ZNF45: variants seen among roughly 807,000 people sequenced by gnomAD.
ZNF45 encodes zinc finger protein 45, also known as BRC1744.
A neutral mutation model predicts 12.0 loss-of-function variants in ZNF45; 4 were observed. The observed-to-expected ratio is 0.33, with a 90% CI of 0.16 to 0.76. The LOEUF is 0.76. Ranked by LOEUF, ZNF45 falls within the 30% of genes least tolerant of loss-of-function variation. ZNF45 has a pLI of 0.60. For missense variants in ZNF45, 700 were observed against 813.0 expected (o/e 0.86, Z 1.69); for synonymous variants, 272 against 279.6 (o/e 0.97, Z 0.27).
At chr19:43,923,915 G>C (rs566225816) in intron 6 of ZNF45, among the ~76,000 whole-genome samples, 1 of 149,610 alleles carries the variant, frequency 6.7e-6, no homozygotes, top group South Asian at 2.1e-4. Flanking sequence ...GACTGCTTGA[G>C]GCCAAGAGTT....
Position 43,914,427 on chromosome 19 carries a change from ATGCAT to A in ZNF45, c.1004_1008del (p.Asn335MetfsTer6). The A allele has an allele frequency of 6.2e-7, 1 of 1,609,284 alleles. No homozygotes were observed. Among genetic ancestry groups the A allele is most frequent in the East Asian group, 2.2e-5 (1 of 44,806 alleles). On this transcript the variant is annotated frameshift_variant, in exon 10 of 10. Coordinates refer to ENST00000269973, the MANE Select transcript of ZNF45 (RefSeq NM_003425.4). LOFTEE classifies it low-confidence loss of function (END_TRUNC). Reference sequence around the variant, plus strand: ...GAGCTGTAACTAAAGCTCTTGCCACATGCATTGCATTTGTATGGTTTCTCGCCAGT... The same window carrying A: ...GAGCTGTAACTAAAGCTCTTGCCACATGCATTTGTATGGTTTCTCGCCAGT...
intron 6 of ZNF45, among the ~76,000 whole-genome samples, chr19:43,923,769 GC>G (rs1391990430): frequency 4.0e-5 from 6 of 151,818 alleles, no homozygotes; most frequent in Non-Finnish European, 7.4e-5. Context: ...CCCCCTCCCA[GC>G]CCCTGATAAC....
chr19:43,922,820 GTTTTT>G (rs368057244), intron 6 of ZNF45, among the ~76,000 whole-genome samples: 4 of 86,488 alleles, frequency 4.6e-5, no homozygotes, highest in South Asian at 4.7e-4. Flanking sequence ...TAAATTCTTT[GTTTTT>G]TTTTTTTTTT....
At chr19:43,923,794 T>C (rs1282189335) in intron 6 of ZNF45, among the ~76,000 whole-genome samples, 3 of 152,062 alleles carry the variant, frequency 2.0e-5, no homozygotes, top group South Asian at 4.1e-4. Flanking sequence ...GTTATCTCTA[T>C]GAATTTGACT....
Position 43,912,645 on chromosome 19 carries a change from A to G in ZNF45, c.*742T>C, listed in dbSNP as rs578173038. The G allele has an allele frequency of 1.3e-5, 2 of 152,360 alleles. No individual in the cohort carries two copies. The highest frequency in any genetic ancestry group is 2.9e-5 in the Non-Finnish European group (2 of 68,026). The allele number at this position is 152,360 out of a possible 1,614,324, so 9.4% of individuals were successfully genotyped here. On this transcript the variant is annotated 3_prime_UTR_variant, in exon 10 of 10. Coordinates refer to ENST00000269973, the MANE Select transcript of ZNF45 (RefSeq NM_003425.4). ...GAGGTGGGATTGACTGGAAATGGGC[A>G]CAAGAAAACTTTTTGGTTTAATAGA...
rs775164589 is a variant in ZNF45 at position 43,919,614 on chromosome 19, C to T, written c.101G>A (p.Arg34Gln). ...LLDLAQRKLY[R>Q]DVMLENFRNV... is the part of the protein sequence containing the mutation. ...CCTGAAGTTCTCCAGCATCACATCT[C>T]GGTACAGCTTCCTCTGGGCAAGGTC... Residue 34 changes from arginine to glutamine, a missense_variant, in exon 8 of 10, where the codon CGA (arginine) becomes CAA (glutamine). Arg to Gln is a conservative substitution (Grantham distance 43). Transcript: ENST00000269973. 2.2e-5 allele frequency: 36 copies of T among 1,612,984 alleles called. No individual in the cohort carries two copies. Among genetic ancestry groups the T allele is most frequent in the Admixed American group, 6.7e-5 (4 of 59,978 alleles).
chr19:43,929,055 AC>A (rs1471940842), intron 3 of ZNF45, among the ~76,000 whole-genome samples: 1 of 152,270 alleles, frequency 6.6e-6, no homozygotes, highest in African/African-American at 2.4e-5. Flanking sequence ...TTCATGTTTA[AC>A]AAGTGGTCAA....
chr19:43,922,119 T>A, intron 7 of ZNF45, 52 bp downstream of exon 7: 1 of 1,599,774 alleles, frequency 6.3e-7, no homozygotes, highest in South Asian at 1.1e-5. Context: ...GTGTATGTAA[T>A]CTTTCCGAAA....
intron 3 of ZNF45, among the ~76,000 whole-genome samples, chr19:43,928,729 G>GT (rs1973890539): frequency 1.3e-5 from 2 of 152,136 alleles, no homozygotes. Flanking sequence ...ACTAAAGAAG[G>GT]TAAAAACAAA....
At position 43,917,202 on chromosome 19, in the gene ZNF45, C is replaced by T. The variant is rs148899265; in HGVS notation, c.235+1668G>A. Among the ~76,000 whole-genome samples the T allele has an allele frequency of 7.4e-3, 1,122 of 152,116 alleles. 9 individuals are homozygous for T. Among genetic ancestry groups the T allele is most frequent in the South Asian group, 0.03 (144 of 4,834 alleles). On this transcript the variant is annotated intron_variant, in intron 9 of 9. Coordinates refer to ENST00000269973, the MANE Select transcript of ZNF45 (RefSeq NM_003425.4). ...TTTGTAAGCAAGAAATGTATTTCTC[C>T]GCATAAATTCTTGTTTAAGGCCACA... is the stretch of plus-strand genomic sequence containing the variant.
At chr19:43,916,368 A>G (rs139050049) in intron 9 of ZNF45, among the ~76,000 whole-genome samples, 110 of 152,232 alleles carry the variant, frequency 7.2e-4, no homozygotes, top group African/African-American at 2.5e-3. Flanking sequence ...CACCTGCCTC[A>G]GTCTCTCAAA....
At chr19:43,923,938 G>A (rs937920029) in intron 6 of ZNF45, among the ~76,000 whole-genome samples, 1 of 146,034 alleles carries the variant, frequency 6.8e-6, no homozygotes, top group African/African-American at 2.6e-5. Flanking sequence ...AGACCAACCT[G>A]GCCAACAGAG....
In ZNF45 at chr19:43,914,773, T is replaced by G; in HGVS notation, c.663A>C (p.Thr221=). 6.2e-7 allele frequency: 1 copy of G among 1,614,136 alleles called. No homozygotes were observed. The highest frequency in any genetic ancestry group is 8.5e-7 in the Non-Finnish European group (1 of 1,180,026). The change falls in exon 10 of 10, where the codon ACA becomes ACC. Residue 221 remains threonine (T), a synonymous_variant. Coordinates refer to ENST00000269973, the MANE Select transcript of ZNF45 (RefSeq NM_003425.4). ...QRVHSRAKSY[T]NDASYRSFSQ... ...TAAAACTCCTGTAACTTGCATCATTTGTGTATGATTTTGCTCTACTGTGGA... is the reference window on the plus strand; with the variant it reads ...TAAAACTCCTGTAACTTGCATCATTGGTGTATGATTTTGCTCTACTGTGGA...
chr19:43,913,443 C>CG lies in ZNF45; in HGVS notation c.1992_1993insC (p.Asp665ArgfsTer2), dbSNP rs1353073818. The CG allele has an allele frequency of 1.3e-6, 2 of 1,592,950 alleles. No individual in the cohort carries two copies. Among genetic ancestry groups the CG allele is most frequent in the Non-Finnish European group, 1.7e-6 (2 of 1,169,168 alleles). Reference sequence around the variant, plus strand: ...GAAGGAAAGTCCTTGTCACCCTCATCATCAGCATGGACTCGCTGATGAATG... The same window carrying CG: ...GAAGGAAAGTCCTTGTCACCCTCATCGATCAGCATGGACTCGCTGATGAATG... On this transcript the variant is annotated frameshift_variant, in exon 10 of 10. Coordinates refer to ENST00000269973, the MANE Select transcript of ZNF45 (RefSeq NM_003425.4). LOFTEE classifies it low-confidence loss of function (END_TRUNC).
intron 2 of ZNF45, among the ~76,000 whole-genome samples, chr19:43,933,014 G>A (rs965456717): frequency 6.6e-6 from 1 of 152,216 alleles, no homozygotes; most frequent in Non-Finnish European, 1.5e-5. Context: ...ACAGAGGGGA[G>A]AGGCCTTACA....
chr19:43,922,274 CA>C (rs1017042108), intron 6 of ZNF45, 57 bp from the exon 7 acceptor site: 5,390 of 982,378 alleles, frequency 5.5e-3, no homozygotes, highest in South Asian at 0.011. Flanking sequence ...AGAGTTTGGC[CA>C]AAAAAAAAAC....
intron 3 of ZNF45, among the ~76,000 whole-genome samples, chr19:43,928,181 C>CAAAAA (rs71338710): frequency 5.8e-4 from 54 of 93,532 alleles, no homozygotes; most frequent in East Asian, 2.1e-3. Flanking sequence ...AACTCTGTCT[C>CAAAAA]AAAAAAAAAA....
intron 2 of ZNF45, among the ~76,000 whole-genome samples, chr19:43,933,961 C>T (rs1399239461): frequency 6.6e-6 from 1 of 152,168 alleles, no homozygotes; most frequent in Non-Finnish European, 1.5e-5. Context: ...AAAATTCCAA[C>T]CTCCCTCCCC....
chr19:43,919,437 T>C (rs1006455577), intron 8 of ZNF45, 136 bp downstream of exon 8: 2 of 1,126,902 alleles, frequency 1.8e-6, no homozygotes, highest in Non-Finnish European at 2.5e-6. Context: ...AGAAAGACTT[T>C]AAAAATTCCA....
Sources: gnomAD v4.1 joint callset for allele counts (sites outside exome capture counted in the v4.1 genomes callset) on GRCh38, gnomAD v4.1.1 for gene constraint, MANE v1.5 for transcripts, NCBI Gene and HGNC (gene_info 2026-07-23, HGNC 2026-07-21) for gene names.